SEMA5A: variants seen among roughly 807,000 people sequenced by gnomAD.
SEMA5A encodes the protein semaphorin-5A.
In SEMA5A, 55 loss-of-function variants were observed where a neutral mutation model predicts 135.5. The observed-to-expected ratio is 0.41, with a 90% confidence interval of 0.33 to 0.51. The LOEUF (loss-of-function observed/expected upper bound fraction) is 0.51. Among genes scored for constraint, SEMA5A ranks in the 20% least tolerant of loss-of-function variants. The pLI is 0.37. For synonymous variants in SEMA5A, 580 were observed against 546.5 expected (o/e 1.06, Z -0.85); for missense variants, 1,290 against 1,419.9 (o/e 0.91, Z 1.47).
intron 3 of SEMA5A, among the ~76,000 whole-genome samples, chr5:9,340,846 A>G (rs1201897648): frequency 6.6e-6 from 1 of 151,896 alleles, no homozygotes; most frequent in African/African-American, 2.4e-5. Context: ...CTCTGCACCA[A>G]CTCACCTCTT....
intron 5 of SEMA5A, among the ~76,000 whole-genome samples, chr5:9,294,264 G>C (rs760641759): frequency 1.2e-4 from 19 of 152,092 alleles, no homozygotes; most frequent in Non-Finnish European, 2.2e-4. Context: ...CTCCTCATAG[G>C]CATTAAGCCT....
rs550197511 is a variant in SEMA5A, at chr5:9,197,044, G to A, written c.1068+124C>T. 1.1e-4 allele frequency: 154 copies of A among 1,353,186 alleles called. No homozygotes were observed. The African/African-American group carries it at 2.1e-3, about 18-fold the overall frequency. 83.8% of individuals were successfully genotyped at this position (1,353,186 alleles called of 1,614,324 possible). ...AGCAGAGTATGGGGCTGTCCATGAG[G>A]GGCCAGGGAGACAGCTGCATGGTGC... On this transcript the variant is annotated intron_variant, in intron 10 of 22. Transcript: ENST00000382496.
chr5:9,315,557 G>C (rs914294586), intron 5 of SEMA5A, among the ~76,000 whole-genome samples: 1 of 152,138 alleles, frequency 6.6e-6, no homozygotes, highest in Non-Finnish European at 1.5e-5. Context: ...TGAGCTTTAT[G>C]ATGGAAGAGC....
intron 2 of SEMA5A, among the ~76,000 whole-genome samples, chr5:9,430,974 A>G (rs1463864039): frequency 1.3e-5 from 2 of 152,140 alleles, no homozygotes; most frequent in African/African-American, 4.8e-5. Flanking sequence ...AACAGCATAG[A>G]GGGAAAAATA....
chr5:9,122,786 G>T lies in SEMA5A; in HGVS notation c.1651C>A (p.Pro551Thr). 6.2e-7 allele frequency: 1 copy of T among 1,612,694 alleles called. No homozygotes were observed. Among genetic ancestry groups the T allele is most frequent in the Non-Finnish European group, 8.5e-7 (1 of 1,179,480 alleles). ...GHFGVWSPWT[P>T]CTHTDGSAVG... ...GCGCTGCCATCTGTGTGCGTGCAAG[G>T]CGTCCACGGAGACCACACACCAAAG... Residue 551 changes from proline to threonine, a missense_variant, in exon 14 of 23, where the codon CCT (proline) becomes ACT (threonine). This residue lies in a region of SEMA5A where 1,029 missense variants were observed against 1,086.6 expected (regional missense o/e 0.95). Coordinates refer to ENST00000382496, the MANE Select transcript of SEMA5A (RefSeq NM_003966.3).
chr5:9,040,713 G>C lies in SEMA5A; in HGVS notation c.*2184C>G, dbSNP rs1437821623. 6.6e-6 allele frequency: 1 copy of C among 152,106 alleles called. No homozygotes were observed. The highest frequency in any genetic ancestry group is 1.5e-5 in the Non-Finnish European group (1 of 68,012). 9.4% of individuals were successfully genotyped at this position (152,106 alleles called of 1,614,324 possible). ...GTGTTTTTCCCAAGTCATTGCAAAA[G>C]ACTCATTAAAGACCAGCTTCGATGC... On this transcript the variant is annotated 3_prime_UTR_variant, in exon 23 of 23. Transcript: ENST00000382496.
At chr5:9,487,082 G>C (rs1734774184) in intron 1 of SEMA5A, among the ~76,000 whole-genome samples, 1 of 151,778 alleles carries the variant, frequency 6.6e-6, no homozygotes, top group African/African-American at 2.4e-5. Flanking sequence ...GTTATGGGAA[G>C]AAAAGTAACA....
intron 10 of SEMA5A, 56 bp from the exon 11 acceptor site, chr5:9,190,527 G>A: frequency 1.9e-6 from 3 of 1,542,716 alleles, no homozygotes; most frequent in South Asian, 1.1e-5. Context: ...ACCCACAGCT[G>A]GCTGTGGCCA....
chr5:9,444,952 G>A (rs929708240), intron 1 of SEMA5A, among the ~76,000 whole-genome samples: 3 of 152,184 alleles, frequency 2.0e-5, no homozygotes, highest in African/African-American at 7.2e-5. Context: ...GGACAGCACT[G>A]ATGCAAACAC....
chr5:9,449,848 A>G (rs1758571027), intron 1 of SEMA5A, among the ~76,000 whole-genome samples: 1 of 152,174 alleles, frequency 6.6e-6, no homozygotes, highest in South Asian at 2.1e-4. Flanking sequence ...GTTGCTAGAG[A>G]AAACTGCAGC....
chr5:9,350,070 G>T (rs1335507912), intron 3 of SEMA5A, among the ~76,000 whole-genome samples: 1 of 152,144 alleles, frequency 6.6e-6, no homozygotes, highest in African/African-American at 2.4e-5. Flanking sequence ...TACACGATTG[G>T]ACAGCACATA....
intron 11 of SEMA5A, among the ~76,000 whole-genome samples, chr5:9,183,677 G>T (rs554121591): frequency 6.6e-6 from 1 of 152,290 alleles, no homozygotes; most frequent in South Asian, 2.1e-4. Flanking sequence ...ATGCTCCATT[G>T]CACCCCAGAG....
rs1063083 is a variant in SEMA5A, at chr5:9,042,684, T to C, written c.*213A>G. The stretch of plus-strand genomic sequence containing the variant: ...ATTAAAAACTTCACACCCTGGCTCA[T>C]TCAACAATGGTCAAGATTTTCACGA... On this transcript the variant is annotated 3_prime_UTR_variant, in exon 23 of 23. Transcript: ENST00000382496. The C allele has an allele frequency of 3.7e-6, 2 of 544,164 alleles. No homozygotes were observed. The highest frequency in any genetic ancestry group is 1.9e-5 in the African/African-American group (1 of 51,902). The allele number at this position is 544,164 out of a possible 1,614,324, so 33.7% of individuals were successfully genotyped here.
At chr5:9,544,957 G>C (rs1738300341) in intron 1 of SEMA5A, among the ~76,000 whole-genome samples, 1 of 152,334 alleles carries the variant, frequency 6.6e-6, no homozygotes, top group Admixed American at 6.5e-5. Context: ...TGGAGCAGCG[G>C]AGGGATGCCT....
At chr5:9,182,991 T>C (rs1041352860) in intron 11 of SEMA5A, among the ~76,000 whole-genome samples, 11 of 152,190 alleles carry the variant, frequency 7.2e-5, no homozygotes. Flanking sequence ...CCTGCCTGCA[T>C]CTGGAGCCTA....
At chr5:9,193,716 G>A (rs1362285415) in intron 10 of SEMA5A, among the ~76,000 whole-genome samples, 3 of 152,116 alleles carry the variant, frequency 2.0e-5, no homozygotes, top group African/African-American at 7.2e-5. Context: ...TGGTCAAGAT[G>A]GTGAAACCTC....
At position 9,384,571 on chromosome 5, in the gene SEMA5A, C is replaced by CATAG. The variant is rs1170217920; in HGVS notation, c.-77-4552_-77-4549dup. ...AGATAGATAGATAGATAGATAGATA[C>CATAG]ATAGATAGATAGATAGATAGATAGA... On this transcript the variant is annotated intron_variant, in intron 2 of 22. Coordinates refer to ENST00000382496, the MANE Select transcript of SEMA5A (RefSeq NM_003966.3). 2.3e-3 allele frequency among the ~76,000 whole-genome samples: 186 copies of CATAG among 80,438 alleles called. 2 individuals carry two copies. The highest frequency in any genetic ancestry group is 2.9e-3 in the Non-Finnish European group (110 of 38,430). The allele number at this position is 80,438 out of a possible 152,430, so 52.8% of individuals were successfully genotyped here. A position where few individuals can be genotyped will look rare whatever the true frequency, so the allele number is the denominator to read the frequency against.
chr5:9,392,650 C>T (rs1437556906), intron 2 of SEMA5A, among the ~76,000 whole-genome samples: 1 of 152,142 alleles, frequency 6.6e-6, no homozygotes, highest in Non-Finnish European at 1.5e-5. Context: ...TGTGTGAGTC[C>T]TGTTTAACAC....
rs114161198 is a variant in SEMA5A at position 9,210,586 on chromosome 5, C to T, written c.647-8346G>A. Among the ~76,000 whole-genome samples the T allele has an allele frequency of 6.6e-3, 1,006 of 152,216 alleles. 13 individuals are homozygous for T. Among genetic ancestry groups the T allele is most frequent in the African/African-American group, 0.023 (960 of 41,514 alleles). On this transcript the variant is annotated intron_variant, in intron 8 of 22. Transcript: ENST00000382496. ...AGAGAGATGGAGGCCATTTGTAACG[C>T]TGGTATTTCCTAAAGTGCCAACTAA...
Sources: allele counts gnomAD v4.1 joint callset (sites outside exome capture counted in the v4.1 genomes callset), GRCh38; gene constraint gnomAD v4.1.1; regional missense constraint gnomAD v4.1.1; transcripts MANE v1.5; gene names NCBI Gene and HGNC (gene_info 2026-07-23, HGNC 2026-07-21).